Variants in PCDHB14 observed in about 807,000 individuals in gnomAD.
PCDHB14 encodes protocadherin beta-14.
For missense variants in PCDHB14, 1,129 were observed against 1,000.5 expected, an observed-to-expected ratio of 1.13 and a Z score of -1.73; for synonymous variants, 511 against 441.5, an observed-to-expected ratio of 1.16 and a Z score of -1.97.
Position 141,223,444 on chromosome 5 carries a change from C to G in PCDHB14, c.-62C>G. The G allele has an allele frequency of 7.7e-7, 1 of 1,303,556 alleles. No individual in the cohort carries two copies. The highest frequency in any genetic ancestry group is 1.1e-6 in the Non-Finnish European group (1 of 930,440). 80.7% of individuals were successfully genotyped at this position (1,303,556 alleles called of 1,614,324 possible). A position where few individuals can be genotyped will look rare whatever the true frequency, so the allele number is the denominator to read the frequency against. On this transcript the variant is annotated 5_prime_UTR_variant, in exon 1 of 1. Coordinates refer to ENST00000239449, the MANE Select transcript of PCDHB14 (RefSeq NM_018934.4). ...AGGGGGTTCCTGTTAAAAACCAGAG[C>G]TTCAGCTTCCAAAATTACGGCTGAG...
In PCDHB14 at chr5:141,224,604, C is replaced by G. The variant is rs1363213274; in HGVS notation, c.1099C>G (p.Leu367Val). ...PENASETLVA[L>V]FSILDQDSGD... ...GAATGCCTCAGAGACCCTAGTAGCTCTTTTTAGTATCCTAGACCAAGACTC... is the reference window on the plus strand; with the variant it reads ...GAATGCCTCAGAGACCCTAGTAGCTGTTTTTAGTATCCTAGACCAAGACTC... The change falls in exon 1 of 1, where the codon CTT becomes GTT. Residue 367 changes from leucine to valine, a missense_variant. Leu to Val is a conservative substitution (Grantham distance 32). Transcript: ENST00000239449. 1 of 1,613,812 alleles carries G rather than the reference C, an allele frequency of 6.2e-7. No individual in the cohort carries two copies. The highest frequency in any genetic ancestry group is 2.2e-5 in the East Asian group (1 of 44,872).
Position 141,224,008 on chromosome 5 carries a change from A to G in PCDHB14, c.503A>G (p.Gln168Arg), listed in dbSNP as rs1754775338. Residue 168 changes from glutamine to arginine, a missense_variant, in exon 1 of 1, where the codon CAA becomes CGA. Physicochemically the swap from Gln to Arg is conservative, Grantham distance 43. Transcript: ENST00000239449. The part of the protein sequence containing the change: ...QDLDVGSNSL[Q>R]NYTISPNSHF... Reference sequence around the variant, plus strand: ...TTGGATGTCGGAAGCAACAGTCTCCAAAACTACACAATTAGCCCCAATTCT... The same window carrying G: ...TTGGATGTCGGAAGCAACAGTCTCCGAAACTACACAATTAGCCCCAATTCT... The G allele has an allele frequency of 1.2e-6, 2 of 1,613,632 alleles. No individual in the cohort carries two copies. Among genetic ancestry groups the G allele is most frequent in the Middle Eastern group, 3.3e-4 (2 of 6,058 alleles).
chr5:141,225,905 C>T lies in PCDHB14; in HGVS notation c.*3C>T. On this transcript the variant is annotated 3_prime_UTR_variant, in exon 1 of 1. Coordinates refer to ENST00000239449, the MANE Select transcript of PCDHB14 (RefSeq NM_018934.4). Reference sequence around the variant, plus strand: ...GCTTTGGACTTAACATTCAATAAAACAATTTATTTTAAATGTCTAATTTTT... The same window carrying T: ...GCTTTGGACTTAACATTCAATAAAATAATTTATTTTAAATGTCTAATTTTT... The T allele has an allele frequency of 6.3e-7, 1 of 1,591,264 alleles. No homozygotes were observed. Among genetic ancestry groups the T allele is most frequent in the East Asian group, 2.2e-5 (1 of 44,622 alleles).
Position 141,225,189 on chromosome 5 carries a change from C to T in PCDHB14, c.1684C>T (p.Leu562=), listed in dbSNP as rs782245795. The T allele has an allele frequency of 1.2e-5, 20 of 1,609,476 alleles. No individual in the cohort carries two copies. The highest frequency in any genetic ancestry group is 3.3e-5 in the South Asian group (3 of 90,910). The change falls in exon 1 of 1, where the codon CTG becomes TTG. Residue 562 remains leucine (L), a synonymous_variant. Coordinates refer to ENST00000239449, the MANE Select transcript of PCDHB14 (RefSeq NM_018934.4). ...LDANDNSPFV[L]YPLQNGSAPC... is the part of the protein sequence containing the mutation. ...CGCCAACGACAACTCGCCCTTCGTGCTGTACCCGCTGCAGAACGGCTCCGC... is the reference window on the plus strand; with the variant it reads ...CGCCAACGACAACTCGCCCTTCGTGTTGTACCCGCTGCAGAACGGCTCCGC...
chr5:141,225,403 G>A lies in PCDHB14; in HGVS notation c.1898G>A (p.Arg633His). Reference protein sequence around the residue: ...EVRTARLLSERDAAKHRLVVL... With the variant: ...EVRTARLLSEHDAAKHRLVVL... ...CGCACCGCCAGGCTGCTGAGCGAGC[G>A]CGACGCGGCCAAGCACAGGCTGGTG... Residue 633 changes from arginine (R) to histidine (H), a missense_variant, in exon 1 of 1, where the codon CGC becomes CAC. Transcript: ENST00000239449. 6.2e-7 allele frequency: 1 copy of A among 1,604,676 alleles called. No individual in the cohort carries two copies. Among genetic ancestry groups the A allele is most frequent in the Non-Finnish European group, 8.5e-7 (1 of 1,179,412 alleles).
At position 141,225,566 on chromosome 5, in the gene PCDHB14, C is replaced by G; in HGVS notation, c.2061C>G (p.Thr687=). 6.2e-7 allele frequency: 1 copy of G among 1,611,164 alleles called. No homozygotes were observed. Among genetic ancestry groups the G allele is most frequent in the Non-Finnish European group, 8.5e-7 (1 of 1,179,796 alleles). The change falls in exon 1 of 1, where the codon ACC becomes ACG. Residue 687 remains threonine, a synonymous_variant. Transcript: ENST00000239449. ...CCCAGGCCCAGGCCGACTCCCTCAC[C>G]GTCTACCTGGTGGTGGCATTGGCCT... ...APAQAQADSL[T]VYLVVALASV...
rs782286158 is a variant in PCDHB14, at chr5:141,225,171, G to C, written c.1666G>C (p.Asp556His). Residue 556 changes from aspartate to histidine, a missense_variant, in exon 1 of 1, where the codon GAC (aspartate) becomes CAC (histidine). Physicochemically the swap from Asp to His is moderately conservative, Grantham distance 81 (BLOSUM62 -1). Coordinates refer to ENST00000239449, the MANE Select transcript of PCDHB14 (RefSeq NM_018934.4). ...GCGCGTGCTGGTGCTGGACGCCAAC[G>C]ACAACTCGCCCTTCGTGCTGTACCC... ...LVRVLVLDAN[D>H]NSPFVLYPLQ... 7.4e-6 allele frequency: 12 copies of C among 1,610,932 alleles called. No individual in the cohort carries two copies. In the South Asian group the frequency reaches 1.3e-4, roughly 18 times the overall value.
In PCDHB14 at chr5:141,225,908, T is replaced by C. The variant is rs1554289614; in HGVS notation, c.*6T>C. ...TTGGACTTAACATTCAATAAAACAA[T>C]TTATTTTAAATGTCTAATTTTTGGT... On this transcript the variant is annotated 3_prime_UTR_variant, in exon 1 of 1. Coordinates refer to ENST00000239449, the MANE Select transcript of PCDHB14 (RefSeq NM_018934.4). 1 of 1,589,256 alleles carries C rather than the reference T, an allele frequency of 6.3e-7. No individual in the cohort carries two copies. The highest frequency in any genetic ancestry group is 1.1e-5 in the South Asian group (1 of 87,140).
At position 141,223,938 on chromosome 5, in the gene PCDHB14, G is replaced by A. The variant is rs1450256194; in HGVS notation, c.433G>A (p.Gly145Ser). 2.5e-6 allele frequency: 4 copies of A among 1,613,940 alleles called. No homozygotes were observed. Among genetic ancestry groups the A allele is most frequent in the South Asian group, 1.1e-5 (1 of 91,060 alleles). ...DKEILIKISE[G>S]TTVGATFLME... is the part of the protein sequence containing the mutation. ...GGAAATACTTATTAAAATATCAGAA[G>A]GTACCACTGTTGGAGCTACCTTTCT... The change falls in exon 1 of 1, where the codon GGT becomes AGT. Residue 145 changes from glycine to serine, a missense_variant. Coordinates refer to ENST00000239449, the MANE Select transcript of PCDHB14 (RefSeq NM_018934.4).
Position 141,224,459 on chromosome 5 carries a change from T to C in PCDHB14, c.954T>C (p.Asn318=). 1 of 1,612,052 alleles carries C rather than the reference T, an allele frequency of 6.2e-7. No homozygotes were observed. ...DFEVIQSYTI[N]IQATDGGGLS... ...AAGTAATACAGTCCTACACTATAAA[T>C]ATTCAGGCAACAGATGGTGGGGGTC... Residue 318 remains asparagine (N), a synonymous_variant, in exon 1 of 1, where the codon AAT becomes AAC. Transcript: ENST00000239449.
Position 141,223,467 on chromosome 5 carries a change from G to A in PCDHB14, c.-39G>A, listed in dbSNP as rs1554288951. ...AGCTTCAGCTTCCAAAATTACGGCT[G>A]AGCTTCAGTTTTTCCACAAGAGATT... On this transcript the variant is annotated 5_prime_UTR_variant, in exon 1 of 1. Transcript: ENST00000239449. 1 of 1,481,310 alleles carries A rather than the reference G, an allele frequency of 6.8e-7. No individual in the cohort carries two copies. The highest frequency in any genetic ancestry group is 1.3e-5 in the South Asian group (1 of 77,616). The allele number at this position is 1,481,310 out of a possible 1,614,324, so 91.8% of individuals were successfully genotyped here. A position where few individuals can be genotyped will look rare whatever the true frequency, so the allele number is the denominator to read the frequency against.
Position 141,223,627 on chromosome 5 carries a change from T to G in PCDHB14, c.122T>G (p.Ile41Ser). 1 of 1,614,110 alleles carries G rather than the reference T, an allele frequency of 6.2e-7. No individual in the cohort carries two copies. Among genetic ancestry groups the G allele is most frequent in the Non-Finnish European group, 8.5e-7 (1 of 1,180,016 alleles). ...AHYSVAEETEIGSFVANLARD... is the reference protein window; with the variant it reads ...AHYSVAEETESGSFVANLARD... ...TATTCTGTGGCAGAGGAAACAGAAATTGGCTCTTTTGTGGCTAATCTAGCG... is the reference window on the plus strand; with the variant it reads ...TATTCTGTGGCAGAGGAAACAGAAAGTGGCTCTTTTGTGGCTAATCTAGCG... Residue 41 changes from isoleucine (I) to serine (S), a missense_variant, in exon 1 of 1, where the codon ATT becomes AGT. By Grantham distance (142) the Ile-to-Ser change is moderately radical (BLOSUM62 -2). Transcript: ENST00000239449.
Position 141,223,587 on chromosome 5 carries a change from A to G in PCDHB14, c.82A>G (p.Thr28Ala), listed in dbSNP as rs1262176025. 2.5e-6 allele frequency: 4 copies of G among 1,614,050 alleles called. No individual in the cohort carries two copies. The highest frequency in any genetic ancestry group is 1.3e-5 in the African/African-American group (1 of 74,928). Residue 28 changes from threonine to alanine, a missense_variant, in exon 1 of 1, where the codon ACT becomes GCT. Coordinates refer to ENST00000239449, the MANE Select transcript of PCDHB14 (RefSeq NM_018934.4). ...TTTGCTGGGATTGTCTCGGGCAGGT[A>G]CTGAATCTGCACACTATTCTGTGGC... ...LVLLGLSRAG[T>A]ESAHYSVAEE...
rs998736141 is a variant in PCDHB14, at chr5:141,225,837, G to C, written c.2332G>C (p.Asp778His). The change falls in exon 1 of 1, where the codon GAC (aspartate) becomes CAC (histidine). Residue 778 changes from aspartate to histidine, a missense_variant. Asp to His is a moderately conservative substitution (Grantham distance 81). Transcript: ENST00000239449. Reference sequence around the variant, plus strand: ...GATTATCCCCAATTTTCAAGTTCATGACACTGGTAGGAATATGGGGGAAAT... The same window carrying C: ...GATTATCCCCAATTTTCAAGTTCATCACACTGGTAGGAATATGGGGGAAAT... ...KPIIPNFQVH[D>H]TGRNMGEIEN... 1.2e-6 allele frequency: 2 copies of C among 1,614,116 alleles called. No homozygotes were observed. The highest frequency in any genetic ancestry group is 1.7e-5 in the Admixed American group (1 of 60,016).
rs148111639 is a variant in PCDHB14 at position 141,224,971 on chromosome 5, C to T, written c.1466C>T (p.Ser489Leu). ...GGCACCAACGCCCAGGTCAACTACT[C>T]GCTGCTGCCGCCCCAGGACCGGCAC... ...DSGTNAQVNY[S>L]LLPPQDRHLP... Residue 489 changes from serine (S) to leucine (L), a missense_variant, in exon 1 of 1, where the codon TCG (serine) becomes TTG (leucine). By Grantham distance (145) the Ser-to-Leu change is moderately radical. Transcript: ENST00000239449. 3.1e-6 allele frequency: 5 copies of T among 1,612,492 alleles called. No homozygotes were observed. The highest frequency in any genetic ancestry group is 1.3e-5 in the African/African-American group (1 of 74,892).
rs1554289071 is a variant in PCDHB14 at position 141,223,968 on chromosome 5, G to A, written c.463G>A (p.Glu155Lys). The A allele has an allele frequency of 6.2e-7, 1 of 1,613,776 alleles. No individual in the cohort carries two copies. Among genetic ancestry groups the A allele is most frequent in the African/African-American group, 1.3e-5 (1 of 74,892 alleles). Residue 155 changes from glutamate to lysine, a missense_variant, in exon 1 of 1, where the codon GAG becomes AAG. Transcript: ENST00000239449. ...CACTGTTGGAGCTACCTTTCTAATG[G>A]AGAGTGCTCAAGATTTGGATGTCGG... is the stretch of plus-strand genomic sequence containing the variant. ...GTTVGATFLM[E>K]SAQDLDVGSN...
In PCDHB14 at chr5:141,224,502, C is replaced by T. The variant is rs1436485140; in HGVS notation, c.997C>T (p.Leu333Phe). 3 of 1,613,400 alleles carry T rather than the reference C, an allele frequency of 1.9e-6. No individual in the cohort carries two copies. The African/African-American group carries it at 4.0e-5, about 22-fold the overall frequency. The change falls in exon 1 of 1, where the codon CTT becomes TTT. Residue 333 changes from leucine to phenylalanine, a missense_variant. Leu to Phe is a conservative substitution (Grantham distance 22). Coordinates refer to ENST00000239449, the MANE Select transcript of PCDHB14 (RefSeq NM_018934.4). Reference sequence around the variant, plus strand: ...TGGGGGTCTTTCAGGAAAATGCACCCTTCTAGTTAAAGTTATGGATATAAA... The same window carrying T: ...TGGGGGTCTTTCAGGAAAATGCACCTTTCTAGTTAAAGTTATGGATATAAA... Reference protein sequence around the residue: ...DGGGLSGKCTLLVKVMDINDN... With the variant: ...DGGGLSGKCTFLVKVMDINDN...
At position 141,227,597 on chromosome 5, in the gene PCDHB14, T is replaced by G. The variant is rs1448162411; in HGVS notation, c.*1695T>G. 1.3e-5 allele frequency: 2 copies of G among 152,242 alleles called. No homozygotes were observed. The highest frequency in any genetic ancestry group is 4.8e-5 in the African/African-American group (2 of 41,466). 9.4% of individuals were successfully genotyped at this position (152,242 alleles called of 1,614,324 possible). On this transcript the variant is annotated 3_prime_UTR_variant, in exon 1 of 1. Coordinates refer to ENST00000239449, the MANE Select transcript of PCDHB14 (RefSeq NM_018934.4). ...CCAGATGATGTAGTAAAATGGAATT[T>G]CACTTGCCATTGTGAAATAGGTGAA...
At position 141,226,425 on chromosome 5, in the gene PCDHB14, A is replaced by C. The variant is rs1244281171; in HGVS notation, c.*523A>C. ...TTTTTCAAATATTTACTTTATGATG[A>C]AACTTAAGTGGTCACATTGGAAATT... On this transcript the variant is annotated 3_prime_UTR_variant, in exon 1 of 1. Coordinates refer to ENST00000239449, the MANE Select transcript of PCDHB14 (RefSeq NM_018934.4). 6.5e-6 allele frequency: 1 copy of C among 152,860 alleles called. No individual in the cohort carries two copies. Among genetic ancestry groups the C allele is most frequent in the Non-Finnish European group, 1.5e-5 (1 of 68,194 alleles). 9.5% of individuals were successfully genotyped at this position (152,860 alleles called of 1,614,324 possible).
Sources: gnomAD v4.1 joint callset for allele counts on GRCh38, gnomAD v4.1.1 for gene constraint, MANE v1.5 for transcripts, NCBI Gene and HGNC (gene_info 2026-07-23, HGNC 2026-07-21) for gene names.